PTCHD1: variants seen among roughly 807,000 people sequenced by gnomAD.
The protein encoded by PTCHD1 is patched domain containing 1, also known as patched domain-containing protein 1.
Under a neutral mutation model 34.6 loss-of-function variants are expected in PTCHD1, and 3 were observed. That is an observed-to-expected ratio of 0.09 (90% confidence interval 0.04 to 0.22). The LOEUF (loss-of-function observed/expected upper bound fraction) is 0.22, where lower values mean the gene tolerates loss of function less well. Ranked by LOEUF, PTCHD1 falls within the 10% of genes least tolerant of loss-of-function variation. PTCHD1 has a pLI of 1.00. For synonymous variants in PTCHD1, 305 were observed against 283.1 expected, an observed-to-expected ratio of 1.08 and a Z score of -0.77; for missense variants, 504 against 685.5, an observed-to-expected ratio of 0.74 and a Z score of 2.96.
intron 1 of PTCHD1, among the ~76,000 whole-genome samples, chrX:23,356,194 G>C (rs778914561): frequency 1.2e-4 from 14 of 112,406 alleles, no homozygotes; most frequent in African/African-American, 4.5e-4. Context: ...GGCTTGTCCA[G>C]AATGTTTCTA....
Position 23,379,689 on chromosome X carries a change from G to T in PTCHD1, c.450G>T (p.Val150=). Residue 150 remains valine, a synonymous_variant, in exon 2 of 3, where the codon GTG becomes GTT. Transcript: ENST00000379361. ...TGAATAATGATAAGACTTGCATCGT[G>T]GATGACATAGTGCACGTCCTGGAAG... ...CILNNDKTCI[V]DDIVHVLEEL... is the part of the protein sequence containing the mutation. The T allele has an allele frequency of 8.3e-7, 1 of 1,211,210 alleles. No individual in the cohort carries two copies. The highest frequency in any genetic ancestry group is 1.1e-6 in the Non-Finnish European group (1 of 895,277).
At chrX:23,348,775 C>T (rs900411773) in intron 1 of PTCHD1, among the ~76,000 whole-genome samples, 4 of 111,007 alleles carry the variant, frequency 3.6e-5, no homozygotes, top group East Asian at 5.5e-4. Context: ...AGTGTTGTCC[C>T]GCAAAAAGTG....
At chrX:23,343,237 C>A (rs1374399670) in intron 1 of PTCHD1, among the ~76,000 whole-genome samples, 1 of 112,603 alleles carries the variant, frequency 8.9e-6, no homozygotes, top group Non-Finnish European at 1.9e-5. Context: ...AAGCAATAAG[C>A]ATCCATTCTG....
intron 2 of PTCHD1, among the ~76,000 whole-genome samples, chrX:23,385,352 G>A (rs1377454085): frequency 9.0e-6 from 1 of 110,990 alleles, no homozygotes; most frequent in Non-Finnish European, 1.9e-5. Context: ...AGGACTTGGG[G>A]GCACAAGTCC....
intron 1 of PTCHD1, among the ~76,000 whole-genome samples, chrX:23,360,165 A>C (rs1921933907): frequency 1.8e-5 from 2 of 112,019 alleles, no homozygotes; most frequent in African/African-American, 6.5e-5. Context: ...GGCCTCATAA[A>C]ATGAGTTAGG....
At chrX:23,365,108 G>T (rs184518032) in intron 1 of PTCHD1, among the ~76,000 whole-genome samples, 1 of 110,928 alleles carries the variant, frequency 9.0e-6, no homozygotes, top group Non-Finnish European at 1.9e-5. Flanking sequence ...GTGAAGTGCA[G>T]TTGACAGCAT....
At position 23,396,454 on chromosome X, in the gene PTCHD1, T is replaced by C. The variant is rs1922992194; in HGVS notation, c.*2269T>C. ...ATTGGTTTTACTGTTAAATCATGTG[T>C]TGCTAAATCATTTTCTGAACAGTGT... On this transcript the variant is annotated 3_prime_UTR_variant, in exon 3 of 3. Transcript: ENST00000379361. The C allele has an allele frequency of 8.9e-6, 1 of 112,219 alleles. No individual in the cohort carries two copies. Among genetic ancestry groups the C allele is most frequent in the Non-Finnish European group, 1.9e-5 (1 of 53,256 alleles). 9.2% of individuals were successfully genotyped at this position (112,219 alleles called of 1,213,427 possible).
intron 2 of PTCHD1, among the ~76,000 whole-genome samples, chrX:23,391,186 A>G (rs111786633): frequency 1.8e-5 from 2 of 111,652 alleles, no homozygotes; most frequent in Non-Finnish European, 3.8e-5. Flanking sequence ...TACCTCTGCT[A>G]TTTCAGTATT....
At chrX:23,337,420 T>A (rs1921198201) in intron 1 of PTCHD1, among the ~76,000 whole-genome samples, 1 of 112,168 alleles carries the variant, frequency 8.9e-6, no homozygotes, top group Admixed American at 9.4e-5. Flanking sequence ...TAATTTTTTC[T>A]TTCTGCATCC....
intron 1 of PTCHD1, among the ~76,000 whole-genome samples, chrX:23,368,833 C>T (rs5926299): frequency 0.2 from 22,707 of 110,816 alleles, 1,747 homozygotes; most frequent in Admixed American, 0.26. Flanking sequence ...GAGACCAGGA[C>T]GGGTGAATCA....
chrX:23,346,441 G>A (rs12556331), intron 1 of PTCHD1, among the ~76,000 whole-genome samples: 12,734 of 110,971 alleles, frequency 0.11, 1,453 homozygotes, highest in African/African-American at 0.34. Flanking sequence ...GAAACATCAG[G>A]GGGAAGGGGC....
intron 1 of PTCHD1, among the ~76,000 whole-genome samples, chrX:23,367,495 G>A (rs1025985297): frequency 8.9e-6 from 1 of 111,944 alleles, no homozygotes; most frequent in Non-Finnish European, 1.9e-5. Flanking sequence ...ATGCCAGTGA[G>A]ACAGCTTAGT....
At position 23,370,553 on chromosome X, in the gene PTCHD1, A is replaced by G. The variant is rs567799624; in HGVS notation, c.352-9038A>G. Among the ~76,000 whole-genome samples, 201 of 111,672 alleles carry G rather than the reference A, an allele frequency of 1.8e-3. 3 individuals carry two copies. The South Asian group carries it at 0.018, about 10-fold the overall frequency. On this transcript the variant is annotated intron_variant, in intron 1 of 2. Coordinates refer to ENST00000379361, the MANE Select transcript of PTCHD1 (RefSeq NM_173495.3). ...TATAATACGTTATTTTATGAATTAC[A>G]GGTACTCATCCTTGGTAAGGCTTAT...
intron 2 of PTCHD1, among the ~76,000 whole-genome samples, chrX:23,387,995 A>G (rs1423523606): frequency 1.8e-5 from 2 of 111,454 alleles, no homozygotes; most frequent in African/African-American, 3.3e-5. Context: ...GGGATGTTGT[A>G]TCATCCAGGG....
intron 2 of PTCHD1, among the ~76,000 whole-genome samples, chrX:23,385,864 A>G (rs1026046533): frequency 1.8e-5 from 2 of 111,338 alleles, no homozygotes; most frequent in African/African-American, 6.5e-5. Context: ...GCCTATGTGC[A>G]TAATATATAT....
intron 1 of PTCHD1, 94 bp downstream of exon 1, chrX:23,335,320 C>A (rs1368266966): frequency 1.4e-6 from 1 of 740,422 alleles, no homozygotes; most frequent in Non-Finnish European, 2.0e-6. Context: ...CGCCACCTCT[C>A]CTAGCCCAGG....
Position 23,380,104 on chromosome X carries a change from A to G in PTCHD1, c.865A>G (p.Met289Val). 1 of 1,211,896 alleles carries G rather than the reference A, an allele frequency of 8.3e-7. No homozygotes were observed. Among genetic ancestry groups the G allele is most frequent in the East Asian group, 3.0e-5 (1 of 33,847 alleles). ...VVTMAILCCS[M>V]QDCVRSKPWL... ...TACCATGGCCATCCTGTGTTGCTCT[A>G]TGCAGGACTGCGTCCGCAGCAAACC... Residue 289 changes from methionine to valine, a missense_variant, in exon 2 of 3, where the codon ATG becomes GTG. By Grantham distance (21) the Met-to-Val change is conservative (BLOSUM62 1). Transcript: ENST00000379361.
chrX:23,365,204 GCCTA>G (rs1343144683), intron 1 of PTCHD1, among the ~76,000 whole-genome samples: 3 of 111,806 alleles, frequency 2.7e-5, no homozygotes, highest in African/African-American at 9.8e-5. Context: ...ATAAAAATGT[GCCTA>G]CCATCAAAAG....
Position 23,395,538 on chromosome X carries a change from G to C in PTCHD1, c.*1353G>C, listed in dbSNP as rs1275805837. On this transcript the variant is annotated 3_prime_UTR_variant, in exon 3 of 3. Transcript: ENST00000379361. ...CCCACACCTTTTTTGATGTCCTTCTGCGTCATCATAGCAAGGCCCTTCTGT... is the reference window on the plus strand; with the variant it reads ...CCCACACCTTTTTTGATGTCCTTCTCCGTCATCATAGCAAGGCCCTTCTGT... 1 of 111,322 alleles carries C rather than the reference G, an allele frequency of 9.0e-6. No individual in the cohort carries two copies. Among genetic ancestry groups the C allele is most frequent in the Non-Finnish European group, 1.9e-5 (1 of 53,053 alleles). 9.2% of individuals were successfully genotyped at this position (111,322 alleles called of 1,213,427 possible).
Sources: allele counts gnomAD v4.1 joint callset (sites outside exome capture counted in the v4.1 genomes callset), GRCh38; gene constraint gnomAD v4.1.1; transcripts MANE v1.5; gene names NCBI Gene and HGNC (gene_info 2026-07-23, HGNC 2026-07-21).